Variants in BMPER observed in about 807,000 individuals in gnomAD.
The protein encoded by BMPER is BMP-binding endothelial regulator protein.
In BMPER, 45 loss-of-function variants were observed where a neutral mutation model predicts 87.3. That is an observed-to-expected ratio of 0.52 (90% CI 0.41 to 0.66). The LOEUF (loss-of-function observed/expected upper bound fraction) is 0.66, where lower values mean the gene tolerates loss of function less well. Among genes scored for constraint, BMPER ranks in the 30% least tolerant of loss-of-function variants. The pLI, the probability that BMPER is intolerant of heterozygous loss-of-function variation, is 0.00. For missense variants in BMPER, 784 were observed against 867.5 expected (o/e 0.90, Z 1.21); for synonymous variants, 326 against 316.2 (o/e 1.03, Z -0.33).
At chr7:34,062,839 A>G (rs570343107) in intron 11 of BMPER, among the ~76,000 whole-genome samples, 3 of 152,312 alleles carry the variant, frequency 2.0e-5, no homozygotes, top group East Asian at 3.9e-4. Context: ...TTATATTCCT[A>G]TGGGACCACA....
At chr7:33,937,566 C>T (rs1784637970) in intron 3 of BMPER, 178 bp downstream of exon 3, 1 of 598,822 alleles carries the variant, frequency 1.7e-6, no homozygotes, top group African/African-American at 2.0e-5. Flanking sequence ...ATGTGTGTAT[C>T]TGGGGCTGGA....
At chr7:34,078,093 A>T (rs938488830) in intron 11 of BMPER, among the ~76,000 whole-genome samples, 2 of 152,174 alleles carry the variant, frequency 1.3e-5, no homozygotes, top group Non-Finnish European at 2.9e-5. Flanking sequence ...GCTGCCCTAA[A>T]GTGTAAAACT....
intron 6 of BMPER, among the ~76,000 whole-genome samples, chr7:33,997,290 C>T (rs1786440570): frequency 6.6e-6 from 1 of 152,176 alleles, no homozygotes; most frequent in Admixed American, 6.5e-5. Context: ...TTCCAAGACT[C>T]TCCTTCTGAT....
chr7:34,063,855 T>C (rs1372726062), intron 11 of BMPER, among the ~76,000 whole-genome samples: 1 of 152,212 alleles, frequency 6.6e-6, no homozygotes, highest in African/African-American at 2.4e-5. Context: ...TAAAGTGTCT[T>C]CCAGTTGAAG....
chr7:34,120,911 G>A (rs4720151), intron 13 of BMPER, among the ~76,000 whole-genome samples: 100,138 of 151,876 alleles, frequency 0.66, 33,653 homozygotes, highest in East Asian at 0.83. Context: ...GTAAAATTCA[G>A]AATATCAAGG....
intron 6 of BMPER, among the ~76,000 whole-genome samples, chr7:34,030,911 A>AT (rs1021808854): frequency 3.3e-5 from 5 of 151,902 alleles, no homozygotes; most frequent in African/African-American, 1.2e-4. Flanking sequence ...CTATACATTG[A>AT]TTTTTTTGAT....
chr7:34,048,549 G>GT (rs1242399457), intron 7 of BMPER, among the ~76,000 whole-genome samples: 1 of 152,184 alleles, frequency 6.6e-6, no homozygotes, highest in Non-Finnish European at 1.5e-5. Flanking sequence ...GGTGGAAGCA[G>GT]TGGCCACTTA....
chr7:33,976,917 G>A (rs188442704), intron 6 of BMPER, among the ~76,000 whole-genome samples: 135 of 152,350 alleles, frequency 8.9e-4, no homozygotes, highest in African/African-American at 3.0e-3. Flanking sequence ...TTTCTGCCTA[G>A]TGAGTTCTTG....
chr7:34,100,334 GA>G (rs1178693745), intron 13 of BMPER, among the ~76,000 whole-genome samples: 2 of 152,186 alleles, frequency 1.3e-5, no homozygotes, highest in African/African-American at 4.8e-5. Context: ...GTGGGGAGGG[GA>G]AAAGCAGATG....
In BMPER at chr7:34,132,608, G is replaced by A. The variant is rs181080821; in HGVS notation, c.1746-10622G>A. 4.5e-3 allele frequency among the ~76,000 whole-genome samples: 679 copies of A among 152,326 alleles called. 2 individuals carry two copies. Among genetic ancestry groups the A allele is most frequent in the Middle Eastern group, 6.8e-3 (2 of 294 alleles). On this transcript the variant is annotated intron_variant, in intron 13 of 14. Coordinates refer to ENST00000649409, the MANE Select transcript of BMPER (RefSeq NM_001365308.1). ...GTATCTATGTTGGGAGTAGAATTAT[G>A]ATGAGATGAGCTCACCAAAAAGGAG...
At chr7:34,009,061 T>G in intron 6 of BMPER, among the ~76,000 whole-genome samples, 1 of 151,800 alleles carries the variant, frequency 6.6e-6, no homozygotes, top group Non-Finnish European at 1.5e-5. Context: ...TGGCCTCAAA[T>G]GATCCTCCTG....
chr7:34,115,867 G>A (rs34604950), intron 13 of BMPER, among the ~76,000 whole-genome samples: 23,843 of 152,130 alleles, frequency 0.16, 2,231 homozygotes, highest in Non-Finnish European at 0.2. Flanking sequence ...AAATTGCTGG[G>A]TTGTATGGTT....
At chr7:33,988,718 AC>A (rs904562358) in intron 6 of BMPER, among the ~76,000 whole-genome samples, 1 of 150,012 alleles carries the variant, frequency 6.7e-6, no homozygotes, top group Admixed American at 6.6e-5. Context: ...GTACCCACTA[AC>A]TCGTCATCTA....
intron 12 of BMPER, among the ~76,000 whole-genome samples, chr7:34,085,157 T>C (rs1293868689): frequency 2.0e-5 from 3 of 152,202 alleles, no homozygotes; most frequent in Non-Finnish European, 4.4e-5. Flanking sequence ...TGTCCATGCC[T>C]CAGGAATGGT....
At chr7:33,995,321 C>T (rs1199816036) in intron 6 of BMPER, among the ~76,000 whole-genome samples, 1 of 152,024 alleles carries the variant, frequency 6.6e-6, no homozygotes, top group African/African-American at 2.4e-5. Context: ...TGAACTTCTT[C>T]ACTCATGAGA....
In BMPER at chr7:33,978,055, C is replaced by G. The variant is rs1785735565; in HGVS notation, c.576+3271C>G. Among the ~76,000 whole-genome samples the G allele has an allele frequency of 2.0e-5, 3 of 152,114 alleles. No homozygotes were observed. The South Asian group carries it at 6.2e-4, about 32-fold the overall frequency. Reference sequence around the variant, plus strand: ...AAATTCATGGGTTGAAACTTAATCGCCATTGTGGTGGTATTAAGAGGTGTG... The same window carrying G: ...AAATTCATGGGTTGAAACTTAATCGGCATTGTGGTGGTATTAAGAGGTGTG... On this transcript the variant is annotated intron_variant, in intron 6 of 14. Transcript: ENST00000649409.
At chr7:34,104,185 C>T (rs1214448103) in intron 13 of BMPER, among the ~76,000 whole-genome samples, 3 of 152,294 alleles carry the variant, frequency 2.0e-5, no homozygotes, top group South Asian at 2.1e-4. Flanking sequence ...TTTTCTCCAG[C>T]GAAAATTGAT....
At chr7:34,119,014 T>TCTCTCACACACACACACACACA (rs66493349) in intron 13 of BMPER, among the ~76,000 whole-genome samples, 6 of 135,794 alleles carry the variant, frequency 4.4e-5, no homozygotes, top group East Asian at 2.2e-4. Context: ...TCTCTCTCTC[T>TCTCTCACACACACACACACACA]CACACACACA....
At chr7:34,114,095 G>A (rs1790051323) in intron 13 of BMPER, among the ~76,000 whole-genome samples, 1 of 152,226 alleles carries the variant, frequency 6.6e-6, no homozygotes, top group Middle Eastern at 3.4e-3. Context: ...CCATTTTTAG[G>A]CAGCTGTCTT....
Sources: gnomAD v4.1 joint callset for allele counts (sites outside exome capture counted in the v4.1 genomes callset) on GRCh38, gnomAD v4.1.1 for gene constraint, MANE v1.5 for transcripts, NCBI Gene and HGNC (gene_info 2026-07-23, HGNC 2026-07-21) for gene names.